TOLLIP: variants seen among roughly 807,000 people sequenced by gnomAD.
The protein encoded by TOLLIP is toll interacting protein.
In TOLLIP, 16 loss-of-function variants were observed where a neutral mutation model predicts 33.5. The ratio of observed to expected loss-of-function variants is 0.48; its 90% CI spans 0.32 to 0.72. The LOEUF is 0.72. TOLLIP is among the 30% of genes least tolerant of loss of function. The probability of loss-of-function intolerance (pLI) is 0.03; values close to 1 mark genes in which losing one functional copy is unlikely to be tolerated. For synonymous variants in TOLLIP, 176 were observed against 163.7 expected, an observed-to-expected ratio of 1.07 and a Z score of -0.57; for missense variants, 325 against 396.6, an observed-to-expected ratio of 0.82 and a Z score of 1.53.
Position 1,295,732 on chromosome 11 carries a change from C to G in TOLLIP, c.96G>C (p.Gln32His). Reference sequence around the variant, plus strand: ...GGGCCGCCTGGGCGTCCAGCTGGACCTGCCGCTGCTGCTGTGTGGGCGTGA... The same window carrying G: ...GGGCCGCCTGGGCGTCCAGCTGGACGTGCCGCTGCTGCTGTGTGGGCGTGA... ...LRITPTQQQR[Q>H]VQLDAQAAQQ... is the part of the protein sequence containing the mutation. The change falls in exon 2 of 6, where the codon CAG becomes CAC. Residue 32 changes from glutamine to histidine, a missense_variant. By Grantham distance (24) the Gln-to-His change is conservative (BLOSUM62 0). Coordinates refer to ENST00000317204, the MANE Select transcript of TOLLIP (RefSeq NM_019009.4). 1 of 1,609,902 alleles carries G rather than the reference C, an allele frequency of 6.2e-7. No individual in the cohort carries two copies. The highest frequency in any genetic ancestry group is 8.5e-7 in the Non-Finnish European group (1 of 1,178,434).
chr11:1,295,403 C>T, intron 2 of TOLLIP: 1 of 432,424 alleles, frequency 2.3e-6, no homozygotes, highest in Non-Finnish European at 4.1e-6. Flanking sequence ...CCAGGCCCTA[C>T]ACAGAGCAGA....
rs368821055 is a variant in TOLLIP at position 1,295,693 on chromosome 11, G to A, written c.135C>T (p.Tyr45=). Residue 45 remains tyrosine, a synonymous_variant, in exon 2 of 6, where the codon TAC becomes TAT. Transcript: ENST00000317204. ...LDAQAAQQLQ[Y]GGAVGTVGRL... is the part of the protein sequence containing the mutation. ...GGCCCACGGTGCCCACTGCGCCTCCGTACTGCAGCTGCTGGGCCGCCTGGG... is the reference window on the plus strand; with the variant it reads ...GGCCCACGGTGCCCACTGCGCCTCCATACTGCAGCTGCTGGGCCGCCTGGG... 151 of 1,611,260 alleles carry A rather than the reference G, an allele frequency of 9.4e-5. No individual in the cohort carries two copies. The highest frequency in any genetic ancestry group is 1.1e-4 in the Non-Finnish European group (135 of 1,178,952).
At chr11:1,309,387 T>G (rs1864525899) in intron 1 of TOLLIP, 79 bp downstream of exon 1, 1 of 810,254 alleles carries the variant, frequency 1.2e-6, no homozygotes, top group Non-Finnish European at 1.6e-6. Context: ...CAGCCGCAGC[T>G]GAGCAGTAGC....
Position 1,276,731 on chromosome 11 carries a change from C to T in TOLLIP, c.*308G>A. On this transcript the variant is annotated 3_prime_UTR_variant, in exon 6 of 6. Coordinates refer to ENST00000317204, the MANE Select transcript of TOLLIP (RefSeq NM_019009.4). ...ACCTCCAACACCCTGGCAGAAGCAG[C>T]TGCTCTCTACAGCAAGAGCATTTTC... The T allele has an allele frequency of 6.9e-7, 1 of 1,454,288 alleles. No homozygotes were observed. Among genetic ancestry groups the T allele is most frequent in the Non-Finnish European group, 9.1e-7 (1 of 1,094,546 alleles). 90.1% of individuals were successfully genotyped at this position (1,454,288 alleles called of 1,614,324 possible). A position where few individuals can be genotyped will look rare whatever the true frequency, so the allele number is the denominator to read the frequency against.
Position 1,277,332 on chromosome 11 carries a change from A to C in TOLLIP, c.611-79T>G. The C allele has an allele frequency of 8.3e-7, 1 of 1,210,202 alleles. No homozygotes were observed. The highest frequency in any genetic ancestry group is 1.1e-6 in the Non-Finnish European group (1 of 885,672). The allele number at this position is 1,210,202 out of a possible 1,614,324, so 75.0% of individuals were successfully genotyped here. ...CACTAGCTCCTGCTGAAGGAAGAAA[A>C]CAACGCATCCCACCGGCCTCCCTGA... is the stretch of plus-strand genomic sequence containing the variant. On this transcript the variant is annotated intron_variant, in intron 5 of 5. Transcript: ENST00000317204. The surrounding 1 kb of genome is among the most constrained non-coding windows in gnomAD (Gnocchi z 4.2).
chr11:1,309,573 C>T lies in TOLLIP; in HGVS notation c.-75G>A. 1.2e-6 allele frequency: 1 copy of T among 836,586 alleles called. No homozygotes were observed. The highest frequency in any genetic ancestry group is 3.5e-5 in the South Asian group (1 of 28,650). The allele number at this position is 836,586 out of a possible 1,614,324, so 51.8% of individuals were successfully genotyped here. On this transcript the variant is annotated 5_prime_UTR_variant, in exon 1 of 6. Transcript: ENST00000317204. ...GCGACCTCCTGCGCCCCCGCCGGAG[C>T]CTGCGACGGAGACAGTTGTCACCTC... is the stretch of plus-strand genomic sequence containing the variant.
At chr11:1,279,542 A>G (rs1247719897) in intron 5 of TOLLIP, among the ~76,000 whole-genome samples, 1 of 152,188 alleles carries the variant, frequency 6.6e-6, no homozygotes, top group Non-Finnish European at 1.5e-5. Flanking sequence ...GGCAGCCCAG[A>G]GCCCACCTGT....
At chr11:1,283,073 T>C (rs1334555549) in intron 5 of TOLLIP, among the ~76,000 whole-genome samples, 2 of 152,174 alleles carry the variant, frequency 1.3e-5, no homozygotes, top group East Asian at 3.8e-4. Flanking sequence ...ATATTTTAGT[T>C]CCCGGGGAAC....
intron 2 of TOLLIP, among the ~76,000 whole-genome samples, chr11:1,292,712 G>A (rs746015012): frequency 2.0e-5 from 3 of 152,274 alleles, no homozygotes; most frequent in African/African-American, 4.8e-5. Context: ...ACGGGCAAGA[G>A]ACGCACGTCA....
chr11:1,295,528 G>T, intron 2 of TOLLIP, 117 bp downstream of exon 2: 1 of 1,274,486 alleles, frequency 7.8e-7, no homozygotes, highest in Non-Finnish European at 1.1e-6. Flanking sequence ...AGGAAAAGCG[G>T]GAATCAGAAG....
chr11:1,301,135 T>A (rs1363742344), intron 1 of TOLLIP, among the ~76,000 whole-genome samples: 2 of 152,274 alleles, frequency 1.3e-5, no homozygotes, highest in East Asian at 3.8e-4. Flanking sequence ...TAAATTGTAA[T>A]GTATCAAATC....
rs753216242 is a variant in TOLLIP at position 1,278,890 on chromosome 11, G to A, written c.611-1637C>T. On this transcript the variant is annotated intron_variant, in intron 5 of 5. Transcript: ENST00000317204. This position sits in a 1 kb window ranked among gnomAD's most constrained non-coding sequence, Gnocchi z 4.7. ...ATCCCCGTGGCTTTTTGGGCGCCCCGGCTGGCAGGCGGGCAGGAACTTGGC... is the reference window on the plus strand; with the variant it reads ...ATCCCCGTGGCTTTTTGGGCGCCCCAGCTGGCAGGCGGGCAGGAACTTGGC... Among the ~76,000 whole-genome samples the A allele has an allele frequency of 2.5e-4, 38 of 152,314 alleles. No homozygotes were observed. The highest frequency in any genetic ancestry group is 7.7e-4 in the African/African-American group (32 of 41,574).
intron 1 of TOLLIP, among the ~76,000 whole-genome samples, chr11:1,296,280 A>G (rs1457150867): frequency 3.3e-5 from 5 of 152,252 alleles, no homozygotes; most frequent in Non-Finnish European, 7.3e-5. Context: ...AAACAGCTGA[A>G]ATTCAAAAGT....
At position 1,278,606 on chromosome 11, in the gene TOLLIP, C is replaced by T. The variant is rs1863387757; in HGVS notation, c.611-1353G>A. 1.3e-5 allele frequency among the ~76,000 whole-genome samples: 2 copies of T among 152,210 alleles called. No homozygotes were observed. The highest frequency in any genetic ancestry group is 2.9e-5 in the Non-Finnish European group (2 of 68,046). Reference sequence around the variant, plus strand: ...GCCAGGCCGACTCTTCCTCCACACCCACCCCTGCCTCCTCTGCTTCTCGGC... The same window carrying T: ...GCCAGGCCGACTCTTCCTCCACACCTACCCCTGCCTCCTCTGCTTCTCGGC... On this transcript the variant is annotated intron_variant, in intron 5 of 5. Coordinates refer to ENST00000317204, the MANE Select transcript of TOLLIP (RefSeq NM_019009.4). The surrounding 1 kb of genome is among the most constrained non-coding windows in gnomAD (Gnocchi z 4.7).
At chr11:1,280,710 C>T (rs1009440712) in intron 5 of TOLLIP, among the ~76,000 whole-genome samples, 3 of 152,022 alleles carry the variant, frequency 2.0e-5, no homozygotes, top group Admixed American at 2.0e-4. Context: ...CTCCTCCCAC[C>T]ACCAAGCAGA....
intron 1 of TOLLIP, among the ~76,000 whole-genome samples, chr11:1,307,290 T>C (rs1215643516): frequency 6.6e-6 from 1 of 152,172 alleles, no homozygotes; most frequent in Non-Finnish European, 1.5e-5. Context: ...TACCTGCTCG[T>C]CTACATGATG....
In TOLLIP at chr11:1,277,083, C is replaced by A. The variant is rs1355465666; in HGVS notation, c.781G>T (p.Asp261Tyr). 1.2e-6 allele frequency: 2 copies of A among 1,614,124 alleles called. No individual in the cohort carries two copies. Among genetic ancestry groups the A allele is most frequent in the Non-Finnish European group, 1.7e-6 (2 of 1,180,026 alleles). ...SVLEAQRGNK[D>Y]AAINSLLQMG... Reference sequence around the variant, plus strand: ...TGCAGCAGGGAGTTGATGGCGGCATCCTTGTTCCCTCGCTGGGCTTCCAGC... The same window carrying A: ...TGCAGCAGGGAGTTGATGGCGGCATACTTGTTCCCTCGCTGGGCTTCCAGC... Residue 261 changes from aspartate to tyrosine, a missense_variant, in exon 6 of 6, where the codon GAT becomes TAT. Coordinates refer to ENST00000317204, the MANE Select transcript of TOLLIP (RefSeq NM_019009.4). The surrounding 1 kb of genome is among the most constrained non-coding windows in gnomAD (Gnocchi z 4.2).
In TOLLIP at chr11:1,280,420, T is replaced by C. The variant is rs145542060; in HGVS notation, c.611-3167A>G. Among the ~76,000 whole-genome samples the C allele has an allele frequency of 2.2e-3, 333 of 152,266 alleles. 5 individuals are homozygous for C. The highest frequency in any genetic ancestry group is 7.6e-3 in the African/African-American group (316 of 41,560). On this transcript the variant is annotated intron_variant, in intron 5 of 5. Transcript: ENST00000317204. ...ACTTTGTGGACGGGCATTCATGTCC[T>C]GGTCTGGTTGGCTCCACAGAAACCA...
At chr11:1,292,565 C>A (rs1863983365) in intron 2 of TOLLIP, among the ~76,000 whole-genome samples, 1 of 152,246 alleles carries the variant, frequency 6.6e-6, no homozygotes, top group Non-Finnish European at 1.5e-5. Flanking sequence ...ACATCAACTG[C>A]TCTGCTGAAG....
Sources: allele counts gnomAD v4.1 joint callset (sites outside exome capture counted in the v4.1 genomes callset), GRCh38; gene constraint gnomAD v4.1.1; non-coding constraint Gnocchi (gnomAD v3.1); transcripts MANE v1.5; gene names NCBI Gene and HGNC (gene_info 2026-07-23, HGNC 2026-07-21).